Variants in RXRA observed in about 807,000 individuals in gnomAD.
RXRA encodes the protein retinoic acid receptor RXR-alpha.
A neutral mutation model predicts 44.5 loss-of-function variants in RXRA; 5 were observed. The observed-to-expected ratio is 0.11, with a 90% CI of 0.06 to 0.24. The LOEUF (loss-of-function observed/expected upper bound fraction) is 0.24. Among genes scored for constraint, RXRA ranks in the 10% least tolerant of loss-of-function variants. The probability of loss-of-function intolerance (pLI) is 1.00; values close to 1 mark genes in which losing one functional copy is unlikely to be tolerated. For missense variants in RXRA, 412 were observed against 646.5 expected, an observed-to-expected ratio of 0.64 and a Z score of 3.93; for synonymous variants, 291 against 271.4, an observed-to-expected ratio of 1.07 and a Z score of -0.71.
At chr9:134,432,754 G>C (rs867971959) in intron 8 of RXRA, among the ~76,000 whole-genome samples, 1 of 152,198 alleles carries the variant, frequency 6.6e-6, no homozygotes, top group Admixed American at 6.5e-5. Context: ...ACGGTTGGTC[G>C]AGGGTGCGGG....
At chr9:134,434,050 G>C in intron 8 of RXRA, 52 bp from the exon 9 acceptor site, 1 of 1,415,534 alleles carries the variant, frequency 7.1e-7, no homozygotes, top group Non-Finnish European at 9.9e-7. Context: ...GGGGGCAGGT[G>C]CCCGAGACAC....
In RXRA at chr9:134,426,046, G is replaced by A. The variant is rs1463608529; in HGVS notation, c.911-3062G>A. 2.0e-6 allele frequency: 2 copies of A among 985,302 alleles called. No individual in the cohort carries two copies. Among genetic ancestry groups the A allele is most frequent in the African/African-American group, 3.5e-5 (2 of 57,232 alleles). The allele number at this position is 985,302 out of a possible 1,614,324, so 61.0% of individuals were successfully genotyped here. A position where few individuals can be genotyped will look rare whatever the true frequency, so the allele number is the denominator to read the frequency against. ...GTCCTGCAACCCCAGCAGAGGCCCT[G>A]AGCGTTTGGGCAGGGCCACGAGGGA... is the stretch of plus-strand genomic sequence containing the variant. On this transcript the variant is annotated intron_variant, in intron 6 of 9. Transcript: ENST00000481739. The surrounding 1 kb of genome is among the most constrained non-coding windows in gnomAD (Gnocchi z 4.6).
chr9:134,424,515 GAGTCCC>G (rs1193912607), intron 6 of RXRA: 1 of 985,458 alleles, frequency 1.0e-6, no homozygotes, highest in African/African-American at 1.7e-5. Flanking sequence ...TTTCCGGCAT[GAGTCCC>G]AGCCCCACTA....
chr9:134,372,906 C>T (rs1055429780), intron 1 of RXRA, among the ~76,000 whole-genome samples: 10 of 152,236 alleles, frequency 6.6e-5, no homozygotes. Context: ...GGTGAAGGGG[C>T]AGCAGGAGAG....
rs1033326005 is a variant in RXRA at position 134,365,724 on chromosome 9, G to C, written c.29-35908G>C. Reference sequence around the variant, plus strand: ...GGCCAGATGTAGCCCTGAGGGGCCCGGCAGAGTCTCGGTGGGTCTCGGTGG... The same window carrying C: ...GGCCAGATGTAGCCCTGAGGGGCCCCGCAGAGTCTCGGTGGGTCTCGGTGG... On this transcript the variant is annotated intron_variant, in intron 1 of 9. Transcript: ENST00000481739. This position sits in a 1 kb window ranked among gnomAD's most constrained non-coding sequence, Gnocchi z 4.0. 6.6e-6 allele frequency among the ~76,000 whole-genome samples: 1 copy of C among 152,052 alleles called. No individual in the cohort carries two copies. Among genetic ancestry groups the C allele is most frequent in the Admixed American group, 6.5e-5 (1 of 15,286 alleles).
At chr9:134,402,059 G>A in intron 2 of RXRA, 177 bp downstream of exon 2, 1 of 610,988 alleles carries the variant, frequency 1.6e-6, no homozygotes, top group East Asian at 2.8e-5. Flanking sequence ...TTGAGCCCAG[G>A]TGGGGCTGAC....
At chr9:134,331,786 C>T (rs555179903) in intron 1 of RXRA, among the ~76,000 whole-genome samples, 5 of 150,030 alleles carry the variant, frequency 3.3e-5, no homozygotes, top group East Asian at 1.9e-4. Flanking sequence ...GCTTTTTCTC[C>T]GGCACTTGAC....
chr9:134,337,736 C>T (rs897604093), intron 1 of RXRA, among the ~76,000 whole-genome samples: 1 of 152,114 alleles, frequency 6.6e-6, no homozygotes, highest in Non-Finnish European at 1.5e-5. Flanking sequence ...TTTGCGTCGT[C>T]GAAGGTTTCC....
chr9:134,422,875 C>T, intron 6 of RXRA: 1 of 985,456 alleles, frequency 1.0e-6, no homozygotes, highest in Non-Finnish European at 1.2e-6. Flanking sequence ...CAGGGGCTGC[C>T]CAGGAGAGCC....
At chr9:134,375,276 G>C (rs969256565) in intron 1 of RXRA, among the ~76,000 whole-genome samples, 7 of 152,206 alleles carry the variant, frequency 4.6e-5, no homozygotes, top group Non-Finnish European at 7.3e-5. Context: ...GCCAGAGCGC[G>C]TGTCACTGTG....
chr9:134,432,044 C>A, intron 8 of RXRA, 48 bp downstream of exon 8: 1 of 1,483,862 alleles, frequency 6.7e-7, no homozygotes, highest in Non-Finnish European at 9.4e-7. Flanking sequence ...TCTGGTGGGG[C>A]AGAGGTGCCT....
intron 1 of RXRA, among the ~76,000 whole-genome samples, chr9:134,357,417 C>T (rs1328512239): frequency 5.9e-5 from 9 of 152,156 alleles, no homozygotes; most frequent in African/African-American, 9.7e-5. Context: ...CTGCTGTAGC[C>T]GCGTGAAGTC....
At chr9:134,429,311 C>T (rs1435719029) in intron 7 of RXRA, 71 bp downstream of exon 7, 1 of 1,508,410 alleles carries the variant, frequency 6.6e-7, no homozygotes, top group South Asian at 1.2e-5. Flanking sequence ...AGTTCAGCCA[C>T]CTTGGCCCCG....
intron 6 of RXRA, chr9:134,422,784 G>A (rs1831369963): frequency 1.0e-6 from 1 of 985,354 alleles, no homozygotes; most frequent in Admixed American, 6.1e-5. Context: ...GTACCATGCG[G>A]GGTCTCTCAG....
rs2119224601 is a variant in RXRA, at chr9:134,439,078, C to A, written c.*2464C>A. 1 of 152,368 alleles carries A rather than the reference C, an allele frequency of 6.6e-6. No individual in the cohort carries two copies. The highest frequency in any genetic ancestry group is 2.1e-4 in the South Asian group (1 of 4,830). 9.4% of individuals were successfully genotyped at this position (152,368 alleles called of 1,614,324 possible). On this transcript the variant is annotated 3_prime_UTR_variant, in exon 10 of 10. Transcript: ENST00000481739. The stretch of plus-strand genomic sequence containing the variant: ...ATCACTGAGTAGAGAGGTAGAATTT[C>A]TATTTAACCAGACCTGTAGTAGTAT...
intron 1 of RXRA, among the ~76,000 whole-genome samples, chr9:134,355,606 A>G (rs1588260902): frequency 1.3e-5 from 2 of 151,780 alleles, no homozygotes; most frequent in Admixed American, 1.3e-4. Flanking sequence ...AGGGAGGGGC[A>G]CCACTGTCCA....
At chr9:134,394,509 G>T (rs1000503593) in intron 1 of RXRA, among the ~76,000 whole-genome samples, 1 of 152,110 alleles carries the variant, frequency 6.6e-6, no homozygotes, top group Admixed American at 6.6e-5. Context: ...AGGTGTGTGG[G>T]TCACTCTTCC....
chr9:134,378,539 G>T lies in RXRA; in HGVS notation c.29-23093G>T, dbSNP rs147823784. ...GCTTAGAGGCAGGGTCCTGGGTGCC[G>T]AGGGAATAGGCTGTGGCCCCTGTCA... is the stretch of plus-strand genomic sequence containing the variant. On this transcript the variant is annotated intron_variant, in intron 1 of 9. Coordinates refer to ENST00000481739, the MANE Select transcript of RXRA (RefSeq NM_002957.6). Among the ~76,000 whole-genome samples the T allele has an allele frequency of 4.7e-4, 71 of 152,318 alleles. 1 individual carries two copies. Among genetic ancestry groups the T allele is most frequent in the Non-Finnish European group, 9.1e-4 (62 of 68,022 alleles).
rs745556618 is a variant in RXRA at position 134,431,962 on chromosome 9, G to T, written c.1101G>T (p.Leu367=). 1.2e-6 allele frequency: 2 copies of T among 1,613,872 alleles called. No individual in the cohort carries two copies. Among genetic ancestry groups the T allele is most frequent in the Non-Finnish European group, 1.7e-6 (2 of 1,179,920 alleles). The change falls in exon 8 of 10, where the codon CTG becomes CTT. Residue 367 remains leucine, a synonymous_variant. Transcript: ENST00000481739. ...ACATGCAGATGGACAAGACGGAGCTGGGCTGCCTGCGCGCCATCGTCCTCT... is the reference window on the plus strand; with the variant it reads ...ACATGCAGATGGACAAGACGGAGCTTGGCTGCCTGCGCGCCATCGTCCTCT... ...MRDMQMDKTE[L]GCLRAIVLFN...
Sources: gnomAD v4.1 joint callset for allele counts (sites outside exome capture counted in the v4.1 genomes callset) on GRCh38, gnomAD v4.1.1 for gene constraint, Gnocchi (gnomAD v3.1) non-coding constraint, MANE v1.5 for transcripts, NCBI Gene and HGNC (gene_info 2026-07-23, HGNC 2026-07-21) for gene names.